The following PLXNC1 variants were observed in gnomAD, a reference collection of about 807,000 sequenced individuals.
PLXNC1 encodes plexin-C1.
In PLXNC1, 75 loss-of-function variants were observed where a neutral mutation model predicts 178.2. That is an observed-to-expected ratio of 0.42 (90% CI 0.35 to 0.51). PLXNC1 has a LOEUF of 0.51. Among genes scored for constraint, PLXNC1 ranks in the 20% least tolerant of loss-of-function variants. PLXNC1 has a pLI of 0.02. For missense variants in PLXNC1, 1,503 were observed against 1,984.4 expected (o/e 0.76, Z 4.61); for synonymous variants, 790 against 779.9 (o/e 1.01, Z -0.22).
chr12:94,212,722 C>CTTTT (rs538048142), intron 5 of PLXNC1, among the ~76,000 whole-genome samples: 1 of 136,160 alleles, frequency 7.3e-6, no homozygotes, highest in African/African-American at 2.7e-5. Flanking sequence ...CTTTTCTTTT[C>CTTTT]TTTTTTTTTT....
chr12:94,157,208 A>C (rs1451564368), intron 1 of PLXNC1, among the ~76,000 whole-genome samples: 1 of 152,224 alleles, frequency 6.6e-6, no homozygotes, highest in African/African-American at 2.4e-5. Context: ...AAGAGGATCA[A>C]ACATGCAATT....
At chr12:94,279,261 T>C (rs2136133298) in intron 21 of PLXNC1, among the ~76,000 whole-genome samples, 1 of 152,366 alleles carries the variant, frequency 6.6e-6, no homozygotes, top group Admixed American at 6.5e-5. Context: ...GCTTGCTCTA[T>C]AATGAGAGTT....
intron 2 of PLXNC1, among the ~76,000 whole-genome samples, chr12:94,177,169 ATATATACG>A (rs1278618829): frequency 1.6e-4 from 9 of 55,286 alleles, no homozygotes; most frequent in Non-Finnish European, 1.6e-4. Context: ...ATGTATATAT[ATATATACG>A]TATATATATG....
At chr12:94,304,733 G>C (rs757664199) in intron 30 of PLXNC1, among the ~76,000 whole-genome samples, 1 of 152,106 alleles carries the variant, frequency 6.6e-6, no homozygotes, top group African/African-American at 2.4e-5. Flanking sequence ...AGCATCCCTC[G>C]TTCCAGGGGT....
chr12:94,230,723 G>A (rs950350290), intron 9 of PLXNC1, among the ~76,000 whole-genome samples: 4 of 152,162 alleles, frequency 2.6e-5, no homozygotes, highest in Admixed American at 2.6e-4. Context: ...CTTGAACAAA[G>A]CACCCAATGT....
At chr12:94,177,185 A>ATATGTG (rs1962105857) in intron 2 of PLXNC1, among the ~76,000 whole-genome samples, 1 of 32,780 alleles carries the variant, frequency 3.1e-5, no homozygotes, top group Admixed American at 3.4e-4. Flanking sequence ...ACGTATATAT[A>ATATGTG]TGTATATATA....
chr12:94,285,191 C>T (rs528011516), intron 23 of PLXNC1, among the ~76,000 whole-genome samples: 2 of 152,288 alleles, frequency 1.3e-5, no homozygotes, highest in East Asian at 3.9e-4. Flanking sequence ...CTTCCCAGCA[C>T]ACCGGGAGGG....
In PLXNC1 at chr12:94,254,840, CA is replaced by C; in HGVS notation, c.2937del (p.Gln979HisfsTer3). On this transcript the variant is annotated frameshift_variant, in exon 16 of 31. Transcript: ENST00000258526. LOFTEE classifies it high-confidence loss of function. ...GAAGGAGCTGAGTCGCAAACAGAGT[CA>C]ACAACTAGAATTGCTGGAAAGCGAG... ...KSKELSRKQS[Q>X]QLELLESELR... 1 of 1,611,930 alleles carries C rather than the reference CA, an allele frequency of 6.2e-7. No homozygotes were observed. Among genetic ancestry groups the C allele is most frequent in the Non-Finnish European group, 8.5e-7 (1 of 1,179,504 alleles).
At chr12:94,241,383 C>G (rs1202158248) in intron 11 of PLXNC1, among the ~76,000 whole-genome samples, 1 of 152,146 alleles carries the variant, frequency 6.6e-6, no homozygotes, top group African/African-American at 2.4e-5. Context: ...ACTCTTCTAG[C>G]TATTTTTAAA....
chr12:94,291,880 A>G (rs1252795530), intron 23 of PLXNC1, among the ~76,000 whole-genome samples: 1 of 152,186 alleles, frequency 6.6e-6, no homozygotes, highest in African/African-American at 2.4e-5. Flanking sequence ...AGTACCCAAC[A>G]GGAACTTTTT....
At chr12:94,262,682 G>A (rs1345079053) in intron 20 of PLXNC1, 30 of 985,346 alleles carry the variant, frequency 3.0e-5, no homozygotes, top group Non-Finnish European at 3.6e-5. Context: ...GTGCTCAAGG[G>A]GGTCTGGGAC....
intron 23 of PLXNC1, among the ~76,000 whole-genome samples, chr12:94,286,231 G>C (rs536389066): frequency 6.6e-6 from 1 of 152,278 alleles, no homozygotes; most frequent in South Asian, 2.1e-4. Flanking sequence ...GGACATGAAG[G>C]CTTAAAGGAT....
At chr12:94,220,253 T>C in intron 6 of PLXNC1, 90 bp downstream of exon 6, 8 of 1,292,046 alleles carry the variant, frequency 6.2e-6, no homozygotes, top group Non-Finnish European at 8.8e-6. Flanking sequence ...ATATGAATAG[T>C]TCCCCCTCTG....
chr12:94,229,062 A>G (rs1346639825), intron 9 of PLXNC1, among the ~76,000 whole-genome samples: 2 of 151,954 alleles, frequency 1.3e-5, no homozygotes, highest in East Asian at 1.9e-4. Context: ...CCTCACCAAT[A>G]CTTGTTATTT....
At chr12:94,233,822 G>A (rs1261120021) in intron 9 of PLXNC1, among the ~76,000 whole-genome samples, 1 of 151,728 alleles carries the variant, frequency 6.6e-6, no homozygotes, top group Admixed American at 6.6e-5. Flanking sequence ...CCATTTCCAC[G>A]GCTGGTTACC....
rs1305153114 is a variant in PLXNC1 at position 94,169,222 on chromosome 12, T to G, written c.1132T>G (p.Ser378Ala). 4.3e-6 allele frequency: 7 copies of G among 1,613,926 alleles called. No individual in the cohort carries two copies. In the East Asian group the frequency reaches 1.6e-4, roughly 36 times the overall value. The change falls in exon 2 of 31, where the codon TCC (serine) becomes GCC (alanine). Residue 378 changes from serine (S) to alanine (A), a missense_variant. Transcript: ENST00000258526. ...TACCTTGATCCATTCCGACCTGACA[T>G]CCGTTTATGGCACCGTGGTAATGAA... Reference protein sequence around the residue: ...SSTLIHSDLTSVYGTVVMNRT... With the variant: ...SSTLIHSDLTAVYGTVVMNRT...
chr12:94,187,192 G>GAGAAA (rs5800150), intron 4 of PLXNC1, among the ~76,000 whole-genome samples: 3 of 148,666 alleles, frequency 2.0e-5, no homozygotes, highest in South Asian at 2.1e-4. Context: ...GAGAGAGAGA[G>GAGAAA]AAAAAAAAAC....
At chr12:94,240,404 A>G in intron 10 of PLXNC1, 81 bp from the exon 11 acceptor site, 2 of 1,077,378 alleles carry the variant, frequency 1.9e-6, no homozygotes, top group Non-Finnish European at 2.8e-6. Context: ...GTTCAAGTGA[A>G]ATTCATTTGC....
intron 5 of PLXNC1, among the ~76,000 whole-genome samples, chr12:94,218,684 T>TACAC (rs1020152953): frequency 7.9e-5 from 12 of 152,070 alleles, no homozygotes; most frequent in Non-Finnish European, 1.3e-4. Context: ...GATTGTCTTT[T>TACAC]TGTGTCCCTA....
Sources: allele counts gnomAD v4.1 joint callset (sites outside exome capture counted in the v4.1 genomes callset), GRCh38; gene constraint gnomAD v4.1.1; transcripts MANE v1.5; gene names NCBI Gene and HGNC (gene_info 2026-07-23, HGNC 2026-07-21).